Variants in EML5 observed in about 807,000 individuals in gnomAD.
EML5 encodes echinoderm microtubule-associated protein-like 5.
Under a neutral mutation model 250.0 loss-of-function variants are expected in EML5, and 120 were observed. The observed-to-expected ratio is 0.48, with a 90% CI of 0.41 to 0.56. The LOEUF (loss-of-function observed/expected upper bound fraction) is 0.56. EML5 is among the 20% of genes least tolerant of loss of function. EML5 has a pLI of 0.00. For missense variants in EML5, 2,006 were observed against 2,437.6 expected (o/e 0.82, Z 3.73); for synonymous variants, 771 against 806.5 (o/e 0.96, Z 0.75).
At position 88,661,813 on chromosome 14, in the gene EML5, C is replaced by A; in HGVS notation, c.3516G>T (p.Trp1172Cys). 2 of 1,607,534 alleles carry A rather than the reference C, an allele frequency of 1.2e-6. No individual in the cohort carries two copies. Among genetic ancestry groups the A allele is most frequent in the South Asian group, 2.2e-5 (2 of 89,602 alleles). The change falls in exon 25 of 44, where the codon TGG becomes TGT. Residue 1172 changes from tryptophan to cysteine, a missense_variant. Trp to Cys is a radical substitution (Grantham distance 215, BLOSUM62 -2). Around this residue, in one of 7 missense-constraint regions of EML5, gnomAD observed 1,375 missense variants for 1,590.3 expected, o/e 0.86. Transcript: ENST00000554922. ...IPSVEVEKIAWASWTSVLGLC... is the reference protein window; with the variant it reads ...IPSVEVEKIACASWTSVLGLC... ...AACCAAGTACACTTGTCCATGATGC[C>A]CAAGCAATTTTTTCTACCTAAAAAT...
At chr14:88,645,790 C>T (rs2091318148) in intron 29 of EML5, among the ~76,000 whole-genome samples, 1 of 152,114 alleles carries the variant, frequency 6.6e-6, no homozygotes. Flanking sequence ...TTCCCTTATT[C>T]TCACTATTTA....
At chr14:88,628,931 CATATA>C (rs1159720689) in intron 33 of EML5, among the ~76,000 whole-genome samples, 1 of 151,886 alleles carries the variant, frequency 6.6e-6, no homozygotes, top group Non-Finnish European at 1.5e-5. Context: ...AAAAGTTTAT[CATATA>C]ATAAAATAGG....
intron 10 of EML5, among the ~76,000 whole-genome samples, chr14:88,707,612 T>G (rs2093340466): frequency 6.6e-6 from 1 of 152,148 alleles, no homozygotes; most frequent in Admixed American, 6.6e-5. Flanking sequence ...AACGAAATTC[T>G]GGAGAAAAAC....
At chr14:88,787,531 C>A (rs1289009026) in intron 1 of EML5, among the ~76,000 whole-genome samples, 3 of 152,152 alleles carry the variant, frequency 2.0e-5, no homozygotes, top group Non-Finnish European at 2.9e-5. Context: ...ATCTAATAAT[C>A]TGGCTTCTCC....
chr14:88,747,061 T>C (rs9671509), intron 2 of EML5, among the ~76,000 whole-genome samples: 97,106 of 151,846 alleles, frequency 0.64, 33,066 homozygotes, highest in East Asian at 0.94. Context: ...AACTTTGATC[T>C]ATCCCTCAAA....
chr14:88,698,658 T>C (rs966729351), intron 14 of EML5, among the ~76,000 whole-genome samples: 7 of 152,166 alleles, frequency 4.6e-5, no homozygotes, highest in African/African-American at 1.4e-4. Context: ...TCTCCAGTCT[T>C]CTCATTCTTC....
chr14:88,782,602 A>G (rs1259086609), intron 1 of EML5, among the ~76,000 whole-genome samples: 4 of 152,074 alleles, frequency 2.6e-5, no homozygotes, highest in Non-Finnish European at 5.9e-5. Flanking sequence ...CAGCCTAGAG[A>G]CTTGGTGCCC....
intron 13 of EML5, among the ~76,000 whole-genome samples, chr14:88,704,014 C>T (rs1367563890): frequency 6.6e-6 from 1 of 152,162 alleles, no homozygotes; most frequent in Non-Finnish European, 1.5e-5. Context: ...GCCTTATTCA[C>T]TCCTCATCAG....
At chr14:88,722,304 T>C (rs956976495) in intron 8 of EML5, among the ~76,000 whole-genome samples, 1 of 152,146 alleles carries the variant, frequency 6.6e-6, no homozygotes, top group Non-Finnish European at 1.5e-5. Context: ...ATTACAAAGA[T>C]GCATGCATGT....
chr14:88,702,954 C>A (rs1022686959), intron 13 of EML5, among the ~76,000 whole-genome samples: 3 of 151,974 alleles, frequency 2.0e-5, no homozygotes, highest in Non-Finnish European at 2.9e-5. Context: ...GGGGTTTTGC[C>A]ATGTTGCCCA....
At chr14:88,665,950 A>G (rs2092296476) in intron 21 of EML5, among the ~76,000 whole-genome samples, 1 of 152,110 alleles carries the variant, frequency 6.6e-6, no homozygotes, top group Admixed American at 6.6e-5. Flanking sequence ...CCTCTTTATT[A>G]TGGCTTCAAA....
At chr14:88,666,809 A>G (rs1299230981) in intron 21 of EML5, among the ~76,000 whole-genome samples, 1 of 152,122 alleles carries the variant, frequency 6.6e-6, no homozygotes, top group Non-Finnish European at 1.5e-5. Flanking sequence ...CTGATGAGGA[A>G]AGGACAGGGT....
In EML5 at chr14:88,792,486, G is replaced by T. The variant is rs1297371391; in HGVS notation, c.18C>A (p.Ala6=). 1 of 1,449,912 alleles carries T rather than the reference G, an allele frequency of 6.9e-7. No individual in the cohort carries two copies. Among genetic ancestry groups the T allele is most frequent in the African/African-American group, 1.5e-5 (1 of 68,352 alleles). 89.8% of individuals were successfully genotyped at this position (1,449,912 alleles called of 1,614,324 possible). MAARS[A]PSCHLRLEWV... ...ACTCGAGCCGCAGGTGGCAGCTCGG[G>T]GCGCTCCGGGCCGCCATGTCGGGGC... is the stretch of plus-strand genomic sequence containing the variant. The change falls in exon 1 of 44, where the codon GCC becomes GCA. Residue 6 remains alanine (A), a synonymous_variant. Coordinates refer to ENST00000554922, the MANE Select transcript of EML5 (RefSeq NM_183387.3). The surrounding 1 kb of genome is among the most constrained non-coding windows in gnomAD (Gnocchi z 6.9).
At chr14:88,628,266 A>G (rs2090171074) in intron 33 of EML5, among the ~76,000 whole-genome samples, 1 of 152,138 alleles carries the variant, frequency 6.6e-6, no homozygotes, top group Admixed American at 6.5e-5. Flanking sequence ...CAAATAGACA[A>G]AGGCAGTAGA....
At chr14:88,700,858 C>G (rs2093193628) in intron 14 of EML5, among the ~76,000 whole-genome samples, 1 of 152,108 alleles carries the variant, frequency 6.6e-6, no homozygotes, top group Non-Finnish European at 1.5e-5. Context: ...GTAGTTTTAA[C>G]CTCTACCTAC....
At chr14:88,698,639 G>A (rs1323510553) in intron 14 of EML5, among the ~76,000 whole-genome samples, 1 of 152,098 alleles carries the variant, frequency 6.6e-6, no homozygotes, top group African/African-American at 2.4e-5. Flanking sequence ...TCCCAAGGTG[G>A]TCTTTAATTC....
At chr14:88,702,665 T>G (rs150814616) in intron 13 of EML5, 33 bp from the exon 14 acceptor site, 45 of 1,470,180 alleles carry the variant, frequency 3.1e-5, no homozygotes, top group Non-Finnish European at 4.1e-5. Flanking sequence ...TATAATTAAT[T>G]TTGGCCTTTT....
intron 2 of EML5, among the ~76,000 whole-genome samples, chr14:88,752,328 C>G (rs2094108421): frequency 6.6e-6 from 1 of 151,978 alleles, no homozygotes; most frequent in Non-Finnish European, 1.5e-5. Flanking sequence ...TTTCATAACA[C>G]CTTAAATAAG....
chr14:88,701,399 T>C (rs1247059876), intron 14 of EML5, among the ~76,000 whole-genome samples: 3 of 152,162 alleles, frequency 2.0e-5, no homozygotes, highest in Non-Finnish European at 4.4e-5. Flanking sequence ...TAGGACACTG[T>C]ATCACAACTC....
Sources: allele counts gnomAD v4.1 joint callset (sites outside exome capture counted in the v4.1 genomes callset), GRCh38; gene constraint gnomAD v4.1.1; regional missense constraint gnomAD v4.1.1; non-coding constraint Gnocchi (gnomAD v3.1); transcripts MANE v1.5; gene names NCBI Gene and HGNC (gene_info 2026-07-23, HGNC 2026-07-21).